The following RHOH variants were observed in gnomAD, a reference collection of about 807,000 sequenced individuals.
The protein encoded by RHOH is ras homolog family member H.
A neutral mutation model predicts 13.8 loss-of-function variants in RHOH; 6 were observed. That is an observed-to-expected ratio of 0.44 (90% CI 0.24 to 0.86). The LOEUF is 0.86. Among genes scored for constraint, RHOH ranks in the 40% least tolerant of loss-of-function variants. RHOH has a pLI of 0.24. For missense variants in RHOH, 147 were observed against 244.5 expected (o/e 0.60, Z 2.66); for synonymous variants, 117 against 103.0 (o/e 1.14, Z -0.82).
intron 1 of RHOH, among the ~76,000 whole-genome samples, chr4:40,203,380 A>AG (rs1724258452): frequency 1.3e-5 from 2 of 152,216 alleles, no homozygotes; most frequent in African/African-American, 4.8e-5. Context: ...GTTGGTCTAG[A>AG]GGTTGGCAGG....
At chr4:40,194,263 C>A (rs904769223), upstream of RHOH, among the ~76,000 whole-genome samples, 8 of 151,938 alleles carry the variant, frequency 5.3e-5, no homozygotes, top group African/African-American at 1.9e-4. Context: ...ACGTCTCACT[C>A]TGTTGCCCAG....
At chr4:40,230,689 T>C (rs1727826109) in intron 1 of RHOH, among the ~76,000 whole-genome samples, 1 of 151,824 alleles carries the variant, frequency 6.6e-6, no homozygotes, top group South Asian at 2.1e-4. Flanking sequence ...CTCTTATGAG[T>C]AAGAAGAAAG....
intron 1 of RHOH, chr4:40,209,568 C>T (rs1725019259): frequency 6.6e-6 from 1 of 152,210 alleles, no homozygotes; most frequent in Non-Finnish European, 1.5e-5. Flanking sequence ...ACCTCAGCCT[C>T]CCGAATTGCT....
chr4:40,214,502 C>T (rs893291517), intron 1 of RHOH, among the ~76,000 whole-genome samples: 1 of 152,154 alleles, frequency 6.6e-6, no homozygotes, highest in Non-Finnish European at 1.5e-5. Flanking sequence ...ACCTCAGCCT[C>T]TGAGTTACAA....
intron 1 of RHOH, among the ~76,000 whole-genome samples, chr4:40,228,965 G>A (rs1410434777): frequency 3.3e-5 from 5 of 152,190 alleles, no homozygotes; most frequent in Admixed American, 2.6e-4. Context: ...AGTTAGTGAA[G>A]GTAACGATAC....
rs755150668 is a variant in RHOH, at chr4:40,243,533, C to T, written c.147C>T (p.Gly49=). The part of the protein sequence containing the change: ...ENTGVDVFMD[G]IQISLGLWDT... ...CAGGGGTGGACGTCTTCATGGATGGCATCCAGATCAGCCTGGGCCTCTGGG... is the reference window on the plus strand; with the variant it reads ...CAGGGGTGGACGTCTTCATGGATGGTATCCAGATCAGCCTGGGCCTCTGGG... The change falls in exon 3 of 3, where the codon GGC becomes GGT. Residue 49 remains glycine (G), a synonymous_variant. Coordinates refer to ENST00000381799, the MANE Select transcript of RHOH (RefSeq NM_004310.5). The surrounding 1 kb of genome is among the most constrained non-coding windows in gnomAD (Gnocchi z 6.2). 6.2e-7 allele frequency: 1 copy of T among 1,614,082 alleles called. No homozygotes were observed. Among genetic ancestry groups the T allele is most frequent in the South Asian group, 1.1e-5 (1 of 91,072 alleles).
chr4:40,192,547 T>C (rs561999265), upstream of RHOH, among the ~76,000 whole-genome samples: 2 of 152,348 alleles, frequency 1.3e-5, no homozygotes, highest in African/African-American at 2.4e-5. Context: ...ATAGTACTTA[T>C]GCATGAGTTC....
At chr4:40,210,179 C>T (rs923690455) in intron 1 of RHOH, among the ~76,000 whole-genome samples, 1 of 151,466 alleles carries the variant, frequency 6.6e-6, no homozygotes. Flanking sequence ...AAGAGGACAG[C>T]TATTGCTTGT....
chr4:40,206,857 T>G (rs1724698025), intron 1 of RHOH, among the ~76,000 whole-genome samples: 1 of 152,252 alleles, frequency 6.6e-6, no homozygotes, highest in Admixed American at 6.5e-5. Flanking sequence ...AAATATGTCA[T>G]ATGCCTTTTA....
Position 40,244,799 on chromosome 4 carries a change from A to G in RHOH, c.*837A>G, listed in dbSNP as rs1326679311. 5.7e-6 allele frequency: 1 copy of G among 174,962 alleles called. No individual in the cohort carries two copies. The highest frequency in any genetic ancestry group is 2.4e-5 in the African/African-American group (1 of 42,166). The allele number at this position is 174,962 out of a possible 1,614,324, so 10.8% of individuals were successfully genotyped here. On this transcript the variant is annotated 3_prime_UTR_variant, in exon 3 of 3. Coordinates refer to ENST00000381799, the MANE Select transcript of RHOH (RefSeq NM_004310.5). The stretch of plus-strand genomic sequence containing the variant: ...CAACAGAACTTGGAACAGAAGCAAG[A>G]GAGTGTCACTTTCACTTCTGGTAGG...
upstream of RHOH, among the ~76,000 whole-genome samples, chr4:40,191,636 G>A (rs34248675): frequency 5.9e-5 from 9 of 152,210 alleles, no homozygotes; most frequent in Middle Eastern, 3.4e-3. Flanking sequence ...ATCATCTTCC[G>A]CAACAAGACT....
At chr4:40,212,103 A>T (rs1423505837) in intron 1 of RHOH, among the ~76,000 whole-genome samples, 2 of 152,178 alleles carry the variant, frequency 1.3e-5, no homozygotes, top group Non-Finnish European at 2.9e-5. Context: ...CCTGGGCCTC[A>T]ACTGCTTTAT....
chr4:40,226,331 A>C (rs1395246697), intron 1 of RHOH, among the ~76,000 whole-genome samples: 4 of 152,020 alleles, frequency 2.6e-5, no homozygotes, highest in Non-Finnish European at 5.9e-5. Context: ...GTTCAAGACT[A>C]GCCTGACCAA....
chr4:40,203,526 G>A (rs1420288654), intron 1 of RHOH, among the ~76,000 whole-genome samples: 1 of 150,362 alleles, frequency 6.7e-6, no homozygotes, highest in Admixed American at 6.6e-5. Flanking sequence ...CTGTGAGTGT[G>A]TGTGTGTGTG....
intron 1 of RHOH, among the ~76,000 whole-genome samples, chr4:40,201,763 G>A (rs1724023625): frequency 6.6e-6 from 1 of 151,866 alleles, no homozygotes; most frequent in Non-Finnish European, 1.5e-5. Flanking sequence ...TGTATCAAGA[G>A]CCATTAAAGT....
chr4:40,235,997 A>G (rs1306872549), intron 1 of RHOH, among the ~76,000 whole-genome samples: 2 of 114,616 alleles, frequency 1.7e-5, no homozygotes, highest in African/African-American at 5.2e-5. Context: ...AAAAAAAAAA[A>G]AGAAAAAAAA....
intron 1 of RHOH, among the ~76,000 whole-genome samples, chr4:40,217,805 T>G (rs939629664): frequency 1.3e-5 from 2 of 152,224 alleles, no homozygotes; most frequent in Admixed American, 1.3e-4. Context: ...TCCCTGCTGC[T>G]AGAAACGGAA....
At chr4:40,211,670 A>C (rs1359533692) in intron 1 of RHOH, among the ~76,000 whole-genome samples, 1 of 152,242 alleles carries the variant, frequency 6.6e-6, no homozygotes, top group African/African-American at 2.4e-5. Context: ...TGGATGGTAC[A>C]AAGACCAAAA....
intron 1 of RHOH, among the ~76,000 whole-genome samples, chr4:40,223,997 C>G (rs1726927158): frequency 6.6e-6 from 1 of 152,106 alleles, no homozygotes; most frequent in Non-Finnish European, 1.5e-5. Flanking sequence ...GTCTTGAACT[C>G]TCGACCTCAG....
Sources: allele counts gnomAD v4.1 joint callset (sites outside exome capture counted in the v4.1 genomes callset), GRCh38; gene constraint gnomAD v4.1.1; non-coding constraint Gnocchi (gnomAD v3.1); transcripts MANE v1.5; gene names NCBI Gene and HGNC (gene_info 2026-07-23, HGNC 2026-07-21).